The following GMCL1 variants were observed in gnomAD, a reference collection of about 807,000 sequenced individuals.
GMCL1 encodes germ cell-less protein-like 1.
Under a neutral mutation model 75.5 loss-of-function variants are expected in GMCL1, and 54 were observed. The ratio of observed to expected loss-of-function variants is 0.71; its 90% CI spans 0.57 to 0.90. The LOEUF (loss-of-function observed/expected upper bound fraction) is 0.90, where lower values mean the gene tolerates loss of function less well. Among genes scored for constraint, GMCL1 ranks in the 40% least tolerant of loss-of-function variants. GMCL1 has a pLI of 0.00. For synonymous variants in GMCL1, 210 were observed against 209.6 expected (o/e 1.00, Z -0.02); for missense variants, 537 against 622.7 (o/e 0.86, Z 1.47).
At chr2:69,849,255 G>A (rs994290005) in intron 7 of GMCL1, among the ~76,000 whole-genome samples, 2 of 151,790 alleles carry the variant, frequency 1.3e-5, no homozygotes, top group Admixed American at 6.6e-5. Flanking sequence ...ACTGCACCTC[G>A]ACCTCTAGGG....
chr2:69,863,951 A>C (rs1573366513), intron 10 of GMCL1, among the ~76,000 whole-genome samples: 1 of 151,454 alleles, frequency 6.6e-6, no homozygotes, highest in Non-Finnish European at 1.5e-5. Context: ...TTCACCCCTC[A>C]CCTCCACCCC....
At chr2:69,852,175 G>C (rs2103989664) in intron 8 of GMCL1, among the ~76,000 whole-genome samples, 1 of 152,274 alleles carries the variant, frequency 6.6e-6, no homozygotes, top group Non-Finnish European at 1.5e-5. Context: ...TTAGGCAAAT[G>C]TTGATAGAAC....
chr2:69,869,639 C>A, intron 11 of GMCL1, 80 bp from the exon 12 acceptor site: 1 of 1,419,574 alleles, frequency 7.0e-7, no homozygotes, highest in Non-Finnish European at 9.7e-7. Flanking sequence ...GAGTTAGAGA[C>A]AAAAAGACAT....
At chr2:69,852,517 G>A (rs960057760) in intron 8 of GMCL1, among the ~76,000 whole-genome samples, 5 of 150,472 alleles carry the variant, frequency 3.3e-5, no homozygotes, top group Admixed American at 6.7e-5. Context: ...TCCCTCACTC[G>A]TTATATTTTG....
At chr2:69,838,217 A>G (rs1478551421) in intron 2 of GMCL1, among the ~76,000 whole-genome samples, 1 of 151,736 alleles carries the variant, frequency 6.6e-6, no homozygotes, top group Non-Finnish European at 1.5e-5. Context: ...GGCACCTGTA[A>G]TCCCAGCTAC....
intron 13 of GMCL1, among the ~76,000 whole-genome samples, chr2:69,877,231 C>T (rs1299082387): frequency 1.3e-5 from 2 of 152,138 alleles, no homozygotes; most frequent in Non-Finnish European, 2.9e-5. Flanking sequence ...TGATGAAGCT[C>T]GGATCGACCT....
intron 1 of GMCL1, among the ~76,000 whole-genome samples, chr2:69,837,340 C>G (rs1190587957): frequency 2.0e-5 from 3 of 152,148 alleles, no homozygotes; most frequent in Non-Finnish European, 4.4e-5. Context: ...TAGAGGACCC[C>G]AGAGATAACC....
At position 69,879,124 on chromosome 2, in the gene GMCL1, G is replaced by A; in HGVS notation, c.*120G>A. ...TGGCCCTACTGATATTCACATCGAA[G>A]GTGACTAACAATGACAAAGGCCTTA... is the stretch of plus-strand genomic sequence containing the variant. On this transcript the variant is annotated 3_prime_UTR_variant, in exon 14 of 14. Coordinates refer to ENST00000282570, the MANE Select transcript of GMCL1 (RefSeq NM_178439.5). The A allele has an allele frequency of 7.8e-6, 5 of 641,078 alleles. No homozygotes were observed. The highest frequency in any genetic ancestry group is 1.4e-5 in the Non-Finnish European group (5 of 357,158). 39.7% of individuals were successfully genotyped at this position (641,078 alleles called of 1,614,324 possible).
chr2:69,835,430 C>G (rs1304297181), intron 1 of GMCL1, among the ~76,000 whole-genome samples: 2 of 151,524 alleles, frequency 1.3e-5, no homozygotes, highest in Admixed American at 6.6e-5. Flanking sequence ...GAGGGAGTCT[C>G]TCTGTCTCTC....
Position 69,864,906 on chromosome 2 carries a change from A to G in GMCL1, c.1149A>G (p.Gln383=). ...RAEQDSEVGP[Q]EINKEELEGN... is the part of the protein sequence containing the mutation. ...ATTTTATGTATATTTTTAGGCCTCA[A>G]GAAATCAATAAAGAAGAACTAGAGG... The change falls in exon 11 of 14, where the codon CAA becomes CAG. Residue 383 remains glutamine, a synonymous_variant. Transcript: ENST00000282570. 1 of 1,610,226 alleles carries G rather than the reference A, an allele frequency of 6.2e-7. No individual in the cohort carries two copies. Among genetic ancestry groups the G allele is most frequent in the Non-Finnish European group, 8.5e-7 (1 of 1,176,832 alleles).
chr2:69,849,713 C>A lies in GMCL1; in HGVS notation c.905C>A (p.Thr302Lys). 1 of 1,591,716 alleles carries A rather than the reference C, an allele frequency of 6.3e-7. No individual in the cohort carries two copies. The highest frequency in any genetic ancestry group is 8.5e-7 in the Non-Finnish European group (1 of 1,170,382). Residue 302 changes from threonine to lysine, a missense_variant, in exon 8 of 14, where the codon ACA becomes AAA. Around this residue, in one of 3 missense-constraint regions of GMCL1, gnomAD observed 345 missense variants for 410.5 expected, o/e 0.84. Coordinates refer to ENST00000282570, the MANE Select transcript of GMCL1 (RefSeq NM_178439.5). ...NGSLKQLLTE[T>K]DVWFSKQRKD... ...TCTTTAAAACAGCTTTTGACAGAAA[C>A]AGATGTCTGGTTTTCTAAACAGAGG...
At chr2:69,860,742 A>G (rs1054833890) in intron 9 of GMCL1, among the ~76,000 whole-genome samples, 6 of 152,232 alleles carry the variant, frequency 3.9e-5, no homozygotes, top group Non-Finnish European at 8.8e-5. Context: ...CTAGCCTGAG[A>G]CAAAGCTGTA....
chr2:69,875,983 C>T (rs1235053512), intron 13 of GMCL1, among the ~76,000 whole-genome samples: 2 of 152,322 alleles, frequency 1.3e-5, no homozygotes, highest in Admixed American at 6.5e-5. Context: ...AGCCACCGCA[C>T]CCAGCCAGTA....
rs1287315053 is a variant in GMCL1, at chr2:69,829,703, G to T, written c.-190G>T. 8 of 632,926 alleles carry T rather than the reference G, an allele frequency of 1.3e-5. No homozygotes were observed. Among genetic ancestry groups the T allele is most frequent in the South Asian group, 8.3e-5 (4 of 48,408 alleles). The allele number at this position is 632,926 out of a possible 1,614,324, so 39.2% of individuals were successfully genotyped here. A position where few individuals can be genotyped will look rare whatever the true frequency, so the allele number is the denominator to read the frequency against. ...GGGGGCGAGGTGCTGCGGTGCTAGA[G>T]CGCGGCGCGACCGGACGCTGCGGGC... On this transcript the variant is annotated 5_prime_UTR_variant, in exon 1 of 14. Coordinates refer to ENST00000282570, the MANE Select transcript of GMCL1 (RefSeq NM_178439.5).
At chr2:69,844,461 GC>G (rs1675075703) in intron 6 of GMCL1, 1 of 237,010 alleles carries the variant, frequency 4.2e-6, no homozygotes. Context: ...TTCAGGTTTT[GC>G]CAGGCTGTTA....
chr2:69,849,211 C>G (rs1405985087), intron 7 of GMCL1, among the ~76,000 whole-genome samples: 1 of 152,002 alleles, frequency 6.6e-6, no homozygotes, highest in Non-Finnish European at 1.5e-5. Flanking sequence ...CGCTCTGTCA[C>G]CTAGACTAGA....
Position 69,829,700 on chromosome 2 carries a change from A to C in GMCL1, c.-193A>C. On this transcript the variant is annotated 5_prime_UTR_variant, in exon 1 of 14. Coordinates refer to ENST00000282570, the MANE Select transcript of GMCL1 (RefSeq NM_178439.5). ...CGAGGGGGCGAGGTGCTGCGGTGCT[A>C]GAGCGCGGCGCGACCGGACGCTGCG... 2 of 620,048 alleles carry C rather than the reference A, an allele frequency of 3.2e-6. No homozygotes were observed. The allele number at this position is 620,048 out of a possible 1,614,324, so 38.4% of individuals were successfully genotyped here. A position where few individuals can be genotyped will look rare whatever the true frequency, so the allele number is the denominator to read the frequency against.
At chr2:69,844,846 A>G in intron 6 of GMCL1, 1 of 379,224 alleles carries the variant, frequency 2.6e-6, no homozygotes, top group Non-Finnish European at 5.6e-6. Flanking sequence ...TCCTGGTACA[A>G]GGTCTTCTGA....
chr2:69,852,373 A>G (rs1452093016), intron 8 of GMCL1, among the ~76,000 whole-genome samples: 1 of 152,208 alleles, frequency 6.6e-6, no homozygotes, highest in South Asian at 2.1e-4. Flanking sequence ...TCAAGGAGAC[A>G]TTGATTGCAC....
Sources: gnomAD v4.1 joint callset for allele counts (sites outside exome capture counted in the v4.1 genomes callset) on GRCh38, gnomAD v4.1.1 for gene constraint, gnomAD v4.1.1 regional missense constraint, MANE v1.5 for transcripts, NCBI Gene and HGNC (gene_info 2026-07-23, HGNC 2026-07-21) for gene names.